Variants in PRKG1 observed in about 807,000 individuals in gnomAD.
PRKG1 encodes cGMP-dependent protein kinase 1.
In PRKG1, 35 loss-of-function variants were observed where a neutral mutation model predicts 88.1. The ratio of observed to expected loss-of-function variants is 0.40; its 90% CI spans 0.30 to 0.53. The LOEUF (loss-of-function observed/expected upper bound fraction) is 0.53, where lower values mean the gene tolerates loss of function less well. Ranked by LOEUF, PRKG1 falls within the 20% of genes least tolerant of loss-of-function variation. The probability of loss-of-function intolerance (pLI) is 0.59; values close to 1 mark genes in which losing one functional copy is unlikely to be tolerated. For missense variants in PRKG1, 540 were observed against 839.8 expected (o/e 0.64, Z 4.41); for synonymous variants, 303 against 292.5 (o/e 1.04, Z -0.37).
chr10:52,018,637 G>C (rs985846830), intron 5 of PRKG1, among the ~76,000 whole-genome samples: 1 of 152,076 alleles, frequency 6.6e-6, no homozygotes, highest in Non-Finnish European at 1.5e-5. Context: ...TATCCTTCTG[G>C]GAATGAGGTG....
At chr10:51,517,258 C>T (rs1841614511) in intron 3 of PRKG1, among the ~76,000 whole-genome samples, 1 of 152,270 alleles carries the variant, frequency 6.6e-6, no homozygotes, top group East Asian at 1.9e-4. Flanking sequence ...TGGGTTTGAA[C>T]TAAGAGCAGT....
intron 3 of PRKG1, among the ~76,000 whole-genome samples, chr10:51,564,335 G>A (rs1275929301): frequency 6.6e-6 from 1 of 152,082 alleles, no homozygotes; most frequent in African/African-American, 2.4e-5. Context: ...AATAGATAGT[G>A]GTAAATGCTA....
upstream of PRKG1, among the ~76,000 whole-genome samples, chr10:51,071,497 T>G (rs1843825855): frequency 6.6e-6 from 1 of 152,196 alleles, no homozygotes. Context: ...CTTTTCAGCT[T>G]TTTACTCTAT....
chr10:51,101,250 C>T (rs1041512548), intron 1 of PRKG1, among the ~76,000 whole-genome samples: 1 of 152,134 alleles, frequency 6.6e-6, no homozygotes, highest in African/African-American at 2.4e-5. Flanking sequence ...CATAGAAAGA[C>T]ACCAGAGAGG....
intron 9 of PRKG1, among the ~76,000 whole-genome samples, chr10:52,197,166 AAAGTT>A (rs1242856327): frequency 2.0e-5 from 3 of 152,200 alleles, no homozygotes; most frequent in South Asian, 4.2e-4. Flanking sequence ...ATTTCCTCGT[AAAGTT>A]AAGTAATCAG....
intron 9 of PRKG1, among the ~76,000 whole-genome samples, chr10:52,211,315 T>C (rs1464933591): frequency 6.6e-6 from 1 of 152,162 alleles, no homozygotes; most frequent in East Asian, 1.9e-4. Flanking sequence ...TCTAACTATA[T>C]CCAGAAAATA....
rs1841086307 is a variant in PRKG1 at position 51,868,913 on chromosome 10, A to G, written c.699-38594A>G. ...CATATAAAGAGGGATTTTGTTGAAT[A>G]AGTGAAGCTAGAACACTGGATAAAT... On this transcript the variant is annotated intron_variant, in intron 4 of 17. Coordinates refer to ENST00000373980, the MANE Select transcript of PRKG1 (RefSeq NM_006258.4). 2.6e-5 allele frequency among the ~76,000 whole-genome samples: 4 copies of G among 152,340 alleles called. No individual in the cohort carries two copies. The South Asian group carries it at 6.2e-4, about 24-fold the overall frequency.
intron 2 of PRKG1, among the ~76,000 whole-genome samples, chr10:51,327,182 A>G (rs1841613151): frequency 6.6e-6 from 1 of 152,156 alleles, no homozygotes; most frequent in Non-Finnish European, 1.5e-5. Flanking sequence ...TGGGAGGTCG[A>G]GGTGGGTGGA....
intron 7 of PRKG1, among the ~76,000 whole-genome samples, chr10:52,124,938 T>A (rs1431231579): frequency 6.6e-6 from 1 of 152,148 alleles, no homozygotes; most frequent in Non-Finnish European, 1.5e-5. Context: ...TCAGGGGCAA[T>A]AACACACATG....
chr10:51,331,108 G>T (rs61416878), intron 2 of PRKG1, among the ~76,000 whole-genome samples: 25 of 152,318 alleles, frequency 1.6e-4, no homozygotes, highest in African/African-American at 6.0e-4. Flanking sequence ...TAGGCATGGT[G>T]CTGGGGTGGC....
intron 3 of PRKG1, among the ~76,000 whole-genome samples, chr10:51,642,250 C>T (rs1483205429): frequency 1.3e-5 from 2 of 151,944 alleles, no homozygotes; most frequent in Non-Finnish European, 2.9e-5. Context: ...ATCAGCTAGG[C>T]GTGGTGGTGC....
intron 1 of PRKG1, among the ~76,000 whole-genome samples, chr10:51,021,916 G>GTGAGATTTATCTATAAA (rs1843142832): frequency 6.6e-6 from 1 of 151,954 alleles, no homozygotes; most frequent in Non-Finnish European, 1.5e-5. Context: ...CCTGACCTCA[G>GTGAGATTTATCTATAAA]GCAATCCACC....
At chr10:51,733,759 A>C (rs1476123050) in intron 3 of PRKG1, among the ~76,000 whole-genome samples, 3 of 152,198 alleles carry the variant, frequency 2.0e-5, no homozygotes, top group Non-Finnish European at 2.9e-5. Context: ...AGCTGCCAAC[A>C]GTCATGATGC....
intron 7 of PRKG1, among the ~76,000 whole-genome samples, chr10:52,127,101 A>G (rs963263722): frequency 6.6e-6 from 1 of 152,114 alleles, no homozygotes; most frequent in African/African-American, 2.4e-5. Context: ...CAGTAGATCC[A>G]TACCTGTGGG....
chr10:51,699,077 G>A, intron 3 of PRKG1: 1 of 1,614,184 alleles, frequency 6.2e-7, no homozygotes. Context: ...CATGTTTCGA[G>A]CTTCCTGGTG....
intron 3 of PRKG1, among the ~76,000 whole-genome samples, chr10:51,565,779 G>A (rs1242136991): frequency 6.6e-6 from 1 of 151,130 alleles, no homozygotes; most frequent in Non-Finnish European, 1.5e-5. Context: ...CTGGTTAAAT[G>A]TGAAGACATT....
intron 2 of PRKG1, among the ~76,000 whole-genome samples, chr10:51,389,486 C>T (rs747709115): frequency 7.3e-4 from 111 of 152,056 alleles, no homozygotes; most frequent in Non-Finnish European, 1.2e-3. Context: ...AACATGCCGC[C>T]ACAGCTGTAC....
intron 2 of PRKG1, among the ~76,000 whole-genome samples, chr10:51,206,490 TA>T (rs772696558): frequency 0.035 from 4,369 of 125,974 alleles, 64 homozygotes; most frequent in Middle Eastern, 0.064. Context: ...AAACTCCATC[TA>T]AAAAAAAAAA....
At chr10:52,000,984 C>G (rs1051500979) in intron 5 of PRKG1, among the ~76,000 whole-genome samples, 1 of 151,756 alleles carries the variant, frequency 6.6e-6, no homozygotes, top group African/African-American at 2.4e-5. Flanking sequence ...AGTTTTGTAC[C>G]CTGTGAACTA....
Sources: allele counts gnomAD v4.1 joint callset (sites outside exome capture counted in the v4.1 genomes callset), GRCh38; gene constraint gnomAD v4.1.1; transcripts MANE v1.5; gene names NCBI Gene and HGNC (gene_info 2026-07-23, HGNC 2026-07-21).